The following EVI5 variants were observed in gnomAD, a reference collection of about 807,000 sequenced individuals.
EVI5 encodes ecotropic viral integration site 5 protein homolog.
EVI5 carries 73 observed loss-of-function variants against 112.0 expected under a neutral mutation model. That is an observed-to-expected ratio of 0.65 (90% CI 0.54 to 0.79). The LOEUF (loss-of-function observed/expected upper bound fraction) is 0.79. Among genes scored for constraint, EVI5 ranks in the 30% least tolerant of loss-of-function variants. The probability of loss-of-function intolerance (pLI) is 0.00; values close to 1 mark genes in which losing one functional copy is unlikely to be tolerated. For missense variants in EVI5, 900 were observed against 968.8 expected (o/e 0.93, Z 0.94); for synonymous variants, 305 against 319.9 (o/e 0.95, Z 0.50).
At chr1:92,687,396 G>A (rs1421721424) in intron 9 of EVI5, among the ~76,000 whole-genome samples, 1 of 151,850 alleles carries the variant, frequency 6.6e-6, no homozygotes, top group Non-Finnish European at 1.5e-5. Flanking sequence ...AATTCAAGAT[G>A]GATTAAAGAC....
At chr1:92,750,335 GTTTAT>G (rs1679984094) in intron 1 of EVI5, among the ~76,000 whole-genome samples, 1 of 152,016 alleles carries the variant, frequency 6.6e-6, no homozygotes, top group Non-Finnish European at 1.5e-5. Flanking sequence ...TACTTAAGAG[GTTTAT>G]TTTAATACAA....
At chr1:92,568,414 A>G (rs556535363) in intron 18 of EVI5, among the ~76,000 whole-genome samples, 1 of 152,030 alleles carries the variant, frequency 6.6e-6, no homozygotes, top group Non-Finnish European at 1.5e-5. Context: ...AAAAAAATAC[A>G]GATTTTTGCC....
At chr1:92,786,090 C>CAAA (rs10651128), upstream of EVI5, among the ~76,000 whole-genome samples, 2 of 144,480 alleles carry the variant, frequency 1.4e-5, no homozygotes, top group Admixed American at 6.9e-5. Context: ...TACTCTGTCT[C>CAAA]AAAAAAAAAA....
chr1:92,771,497 C>T (rs1293064741), intron 1 of EVI5, among the ~76,000 whole-genome samples: 1 of 152,088 alleles, frequency 6.6e-6, no homozygotes, highest in Non-Finnish European at 1.5e-5. Flanking sequence ...CTACCTTATC[C>T]TCACCCCATA....
rs1189157130 is a variant in EVI5 at position 92,744,594 on chromosome 1, TCTCTCTCACACACACACACACA to T, written c.-81-7989_-81-7968del. On this transcript the variant is annotated intron_variant, in intron 1 of 19. Coordinates refer to ENST00000684568, the MANE Select transcript of EVI5 (RefSeq NM_001350197.2). Reference sequence around the variant, plus strand: ...TATAATTATGCCAAATATCTCTCTCTCTCTCTCACACACACACACACACACACACACACACACACACACACAC... The same window carrying T: ...TATAATTATGCCAAATATCTCTCTCTCACACACACACACACACACACACAC... 6.1e-4 allele frequency among the ~76,000 whole-genome samples: 82 copies of T among 133,992 alleles called. 1 individual carries two copies. Among genetic ancestry groups the T allele is most frequent in the African/African-American group, 1.8e-3 (60 of 33,298 alleles). 87.9% of individuals were successfully genotyped at this position (133,992 alleles called of 152,430 possible).
chr1:92,549,117 C>A (rs1053519262), intron 19 of EVI5, among the ~76,000 whole-genome samples: 2 of 152,094 alleles, frequency 1.3e-5, no homozygotes, highest in Non-Finnish European at 2.9e-5. Flanking sequence ...GCTACAGTAA[C>A]CAAAACAGCA....
rs151026471 is a variant in EVI5, at chr1:92,688,406, T to C, written c.1097+5396A>G. ...ATAATAAAGAAAACTTCCATTTTTCTTGCTTTGCTCTCTCAGGGGATGCTC... is the reference window on the plus strand; with the variant it reads ...ATAATAAAGAAAACTTCCATTTTTCCTGCTTTGCTCTCTCAGGGGATGCTC... On this transcript the variant is annotated intron_variant, in intron 9 of 19. Coordinates refer to ENST00000684568, the MANE Select transcript of EVI5 (RefSeq NM_001350197.2). Among the ~76,000 whole-genome samples, 1,342 of 152,292 alleles carry C rather than the reference T, an allele frequency of 8.8e-3. 17 individuals carry two copies. Among genetic ancestry groups the C allele is most frequent in the African/African-American group, 0.031 (1,283 of 41,558 alleles).
At chr1:92,682,385 T>C (rs1284356245) in intron 9 of EVI5, among the ~76,000 whole-genome samples, 1 of 152,182 alleles carries the variant, frequency 6.6e-6, no homozygotes, top group Non-Finnish European at 1.5e-5. Flanking sequence ...TGTATATCAT[T>C]CTGTCAGTCT....
intron 14 of EVI5, among the ~76,000 whole-genome samples, chr1:92,634,493 C>T (rs911044275): frequency 6.6e-6 from 1 of 152,234 alleles, no homozygotes; most frequent in South Asian, 2.1e-4. Context: ...CTTGTGCATT[C>T]GTCACGTAGT....
At chr1:92,545,504 T>C (rs549017385) in intron 19 of EVI5, among the ~76,000 whole-genome samples, 298 of 151,934 alleles carry the variant, frequency 2.0e-3, no homozygotes, top group African/African-American at 6.8e-3. Flanking sequence ...TTTAAGAACA[T>C]AGAGAATTAA....
chr1:92,517,583 T>C (rs1387432690), intron 19 of EVI5, among the ~76,000 whole-genome samples: 3 of 152,372 alleles, frequency 2.0e-5, no homozygotes, highest in African/African-American at 7.2e-5. Flanking sequence ...GTCTGGTATG[T>C]AGAAATGGAT....
At chr1:92,747,087 C>T (rs1258525121) in intron 1 of EVI5, among the ~76,000 whole-genome samples, 1 of 151,922 alleles carries the variant, frequency 6.6e-6, no homozygotes, top group Non-Finnish European at 1.5e-5. Flanking sequence ...AGGTTCTGAA[C>T]CAACCATGCA....
At chr1:92,673,039 T>C (rs943140416) in intron 10 of EVI5, among the ~76,000 whole-genome samples, 14 of 152,172 alleles carry the variant, frequency 9.2e-5, no homozygotes, top group African/African-American at 3.4e-4. Context: ...TAAGAACCCT[T>C]TAATAATGCT....
chr1:92,565,648 C>A (rs540212416), intron 18 of EVI5, among the ~76,000 whole-genome samples: 1 of 152,162 alleles, frequency 6.6e-6, no homozygotes, highest in South Asian at 2.1e-4. Context: ...ATACTAACAT[C>A]ATTGGCAGGA....
rs1659021056 is a variant in EVI5 at position 92,508,883 on chromosome 1, G to A, written c.*4773C>T. On this transcript the variant is annotated 3_prime_UTR_variant, in exon 20 of 20. Coordinates refer to ENST00000684568, the MANE Select transcript of EVI5 (RefSeq NM_001350197.2). ...TTGGAGTAAAAAGAAGGGATAGGCA[G>A]ATCAATGGATGTGATGTAAAAACTT... 1 of 152,284 alleles carries A rather than the reference G, an allele frequency of 6.6e-6. No homozygotes were observed. Among genetic ancestry groups the A allele is most frequent in the Non-Finnish European group, 1.5e-5 (1 of 68,032 alleles). 9.4% of individuals were successfully genotyped at this position (152,284 alleles called of 1,614,324 possible).
chr1:92,586,874 C>T (rs948939430), intron 18 of EVI5, among the ~76,000 whole-genome samples: 1 of 151,854 alleles, frequency 6.6e-6, no homozygotes, highest in Non-Finnish European at 1.5e-5. Context: ...GCCCTGGTCC[C>T]CTTCACTGGA....
At chr1:92,652,440 T>C (rs1662296106) in intron 13 of EVI5, among the ~76,000 whole-genome samples, 1 of 152,208 alleles carries the variant, frequency 6.6e-6, no homozygotes, top group Non-Finnish European at 1.5e-5. Flanking sequence ...CACAATATTA[T>C]AAATGTACTT....
At chr1:92,623,366 G>A (rs72724541) in intron 16 of EVI5, among the ~76,000 whole-genome samples, 2,226 of 152,276 alleles carry the variant, frequency 0.015, 25 homozygotes, top group Middle Eastern at 0.048. Context: ...AATACAGAAT[G>A]ATGTATGAGT....
chr1:92,649,065 T>C (rs919704888), intron 13 of EVI5, among the ~76,000 whole-genome samples: 2 of 152,232 alleles, frequency 1.3e-5, no homozygotes, highest in Non-Finnish European at 2.9e-5. Flanking sequence ...TAGCCATCCA[T>C]TATAATGGAT....
Sources: allele counts gnomAD v4.1 joint callset (sites outside exome capture counted in the v4.1 genomes callset), GRCh38; gene constraint gnomAD v4.1.1; transcripts MANE v1.5; gene names NCBI Gene and HGNC (gene_info 2026-07-23, HGNC 2026-07-21).